The following SMAD3 variants were observed in gnomAD, a reference collection of about 807,000 sequenced individuals.
SMAD3 encodes SMAD family member 3.
In SMAD3, 12 loss-of-function variants were observed where a neutral mutation model predicts 51.8. The ratio of observed to expected loss-of-function variants is 0.23; its 90% CI spans 0.15 to 0.38. The LOEUF (loss-of-function observed/expected upper bound fraction) is 0.38. Among genes scored for constraint, SMAD3 ranks in the 10% least tolerant of loss-of-function variants. The pLI is 1.00. For synonymous variants in SMAD3, 238 were observed against 227.7 expected (o/e 1.05, Z -0.41); for missense variants, 294 against 565.6 (o/e 0.52, Z 4.87).
intron 1 of SMAD3, among the ~76,000 whole-genome samples, chr15:67,127,056 C>G (rs1961407353): frequency 6.6e-6 from 1 of 152,116 alleles, no homozygotes; most frequent in Non-Finnish European, 1.5e-5. Context: ...CAAATGGGAT[C>G]CATTTAGCTC....
At chr15:67,107,135 A>G (rs1960896495) in intron 1 of SMAD3, among the ~76,000 whole-genome samples, 1 of 151,916 alleles carries the variant, frequency 6.6e-6, no homozygotes, top group Admixed American at 6.6e-5. Flanking sequence ...GCCCTCAATA[A>G]ATGTTTACTG....
intron 1 of SMAD3, among the ~76,000 whole-genome samples, chr15:67,155,429 C>A (rs1033874085): frequency 6.6e-6 from 1 of 152,118 alleles, no homozygotes; most frequent in African/African-American, 2.4e-5. Flanking sequence ...TGGGGCGGTC[C>A]ATTGCATGGA....
At chr15:67,085,899 C>CACAT (rs1555406321) in intron 1 of SMAD3, among the ~76,000 whole-genome samples, 5 of 32,442 alleles carry the variant, frequency 1.5e-4, no homozygotes, top group Admixed American at 7.2e-4. Context: ...CACACACACA[C>CACAT]ATACACAGAG....
intron 1 of SMAD3, among the ~76,000 whole-genome samples, chr15:67,159,623 A>G (rs1962373970): frequency 1.3e-5 from 2 of 152,112 alleles, no homozygotes; most frequent in South Asian, 2.1e-4. Context: ...TACCCCCAAA[A>G]AAGTTTCCAA....
intron 5 of SMAD3, among the ~76,000 whole-genome samples, chr15:67,177,437 G>C (rs374573936): frequency 6.4e-3 from 19 of 2,948 alleles, no homozygotes; most frequent in Non-Finnish European, 5.3e-3. Context: ...TTTTTTTTTG[G>C]TGTGTGGCAG....
intron 1 of SMAD3, among the ~76,000 whole-genome samples, chr15:67,163,280 G>T (rs1480469501): frequency 1.3e-5 from 2 of 152,116 alleles, no homozygotes; most frequent in Non-Finnish European, 2.9e-5. Context: ...TTGCCCAGTG[G>T]AATGGAGGGT....
intron 5 of SMAD3, 47 bp from the exon 6 acceptor site, chr15:67,181,193 TG>T: frequency 6.8e-7 from 1 of 1,461,292 alleles, no homozygotes; most frequent in Non-Finnish European, 9.6e-7. Flanking sequence ...CGAGGGAGCA[TG>T]GGGCTTGGGA....
intron 1 of SMAD3, among the ~76,000 whole-genome samples, chr15:67,100,296 T>C (rs1960722118): frequency 6.6e-6 from 1 of 151,842 alleles, no homozygotes; most frequent in South Asian, 2.1e-4. Context: ...CATGATTCCA[T>C]TCCCATGCAG....
chr15:67,165,800 G>A (rs774389740), intron 3 of SMAD3, among the ~76,000 whole-genome samples: 2 of 152,222 alleles, frequency 1.3e-5, no homozygotes, highest in Non-Finnish European at 2.9e-5. Flanking sequence ...AAATTCGCCT[G>A]GGCATCAGGC....
chr15:67,117,708 A>G (rs1389254993), intron 1 of SMAD3, among the ~76,000 whole-genome samples: 1 of 152,226 alleles, frequency 6.6e-6, no homozygotes, highest in Non-Finnish European at 1.5e-5. Flanking sequence ...AAATGCCTGG[A>G]AACATGATCA....
chr15:67,142,335 G>A (rs577170823), intron 1 of SMAD3, among the ~76,000 whole-genome samples: 11 of 151,976 alleles, frequency 7.2e-5, no homozygotes, highest in East Asian at 1.9e-4. Flanking sequence ...CATGGTTTGC[G>A]TGGAATTGTA....
At chr15:67,188,240 T>C (rs938841047) in intron 8 of SMAD3, among the ~76,000 whole-genome samples, 1 of 146,432 alleles carries the variant, frequency 6.8e-6, no homozygotes, top group Non-Finnish European at 1.5e-5. Flanking sequence ...AATCTCTGCC[T>C]CCAGGACGTG....
chr15:67,097,407 T>C (rs933128382), intron 1 of SMAD3, among the ~76,000 whole-genome samples: 2 of 151,916 alleles, frequency 1.3e-5, no homozygotes, highest in African/African-American at 4.8e-5. Flanking sequence ...TTGTTGTTGT[T>C]TTTTGTTGTT....
chr15:67,169,756 C>T (rs1962694838), intron 4 of SMAD3, among the ~76,000 whole-genome samples: 1 of 152,036 alleles, frequency 6.6e-6, no homozygotes, highest in African/African-American at 2.4e-5. Context: ...AGCCATTGCA[C>T]CCGGCCTCCG....
At chr15:67,152,310 T>C (rs1962168365) in intron 1 of SMAD3, among the ~76,000 whole-genome samples, 2 of 152,224 alleles carry the variant, frequency 1.3e-5, no homozygotes, top group South Asian at 4.2e-4. Context: ...TATTTTCTTC[T>C]CCCTCAAACT....
At chr15:67,110,223 G>A (rs576494995) in intron 1 of SMAD3, among the ~76,000 whole-genome samples, 77 of 152,274 alleles carry the variant, frequency 5.1e-4, no homozygotes, top group African/African-American at 1.8e-3. Flanking sequence ...TGCTGCTTGG[G>A]GGATACGACT....
intron 1 of SMAD3, among the ~76,000 whole-genome samples, chr15:67,159,130 G>A (rs908846408): frequency 1.4e-4 from 22 of 151,920 alleles, no homozygotes; most frequent in African/African-American, 5.1e-4. Context: ...GAGTGCTCTG[G>A]TGCAATCACA....
At chr15:67,074,662 T>C (rs545477808) in intron 1 of SMAD3, among the ~76,000 whole-genome samples, 3 of 152,342 alleles carry the variant, frequency 2.0e-5, no homozygotes, top group Admixed American at 1.3e-4. Context: ...TGTATTGTAT[T>C]GTTTGTTTGT....
intron 1 of SMAD3, among the ~76,000 whole-genome samples, chr15:67,107,965 T>TCCCTCCCC (rs1960916539): frequency 8.0e-6 from 1 of 124,640 alleles, no homozygotes; most frequent in Non-Finnish European, 1.6e-5. Flanking sequence ...TGCTCTCCTC[T>TCCCTCCCC]CCCCCCCACC....
Sources: allele counts gnomAD v4.1 joint callset (sites outside exome capture counted in the v4.1 genomes callset), GRCh38; gene constraint gnomAD v4.1.1; transcripts MANE v1.5; gene names NCBI Gene and HGNC (gene_info 2026-07-23, HGNC 2026-07-21).